Variants in RSU1 observed in about 807,000 individuals in gnomAD.
RSU1 encodes the protein rsu-1.
Under a neutral mutation model 31.1 loss-of-function variants are expected in RSU1, and 26 were observed. The observed-to-expected ratio is 0.84, with a 90% CI of 0.61 to 1.16. The LOEUF (loss-of-function observed/expected upper bound fraction) is 1.16. Ranked by LOEUF, RSU1 falls within the 50% of genes most tolerant of loss-of-function variation. RSU1 has a pLI of 0.00. For synonymous variants in RSU1, 164 were observed against 136.3 expected (o/e 1.20, Z -1.41); for missense variants, 320 against 339.1 (o/e 0.94, Z 0.44).
intron 2 of RSU1, among the ~76,000 whole-genome samples, chr10:16,806,711 G>A (rs553483424): frequency 6.7e-4 from 102 of 152,112 alleles, no homozygotes; most frequent in African/African-American, 2.4e-3. Context: ...AAATTACATA[G>A]GCATCTTTGA....
intron 8 of RSU1, among the ~76,000 whole-genome samples, chr10:16,606,546 G>A (rs1833808534): frequency 6.6e-6 from 1 of 152,222 alleles, no homozygotes. Flanking sequence ...TACATGGGCA[G>A]ATGAGGGTCG....
intron 5 of RSU1, among the ~76,000 whole-genome samples, chr10:16,753,773 G>C (rs554770263): frequency 6.6e-6 from 1 of 152,002 alleles, no homozygotes. Flanking sequence ...TTGTTTACCC[G>C]TATTTATTTT....
At chr10:16,756,608 G>C (rs1837091593) in intron 4 of RSU1, among the ~76,000 whole-genome samples, 1 of 152,204 alleles carries the variant, frequency 6.6e-6, no homozygotes, top group Non-Finnish European at 1.5e-5. Context: ...TTTATTGTAA[G>C]AATGCAGAAT....
chr10:16,784,979 T>C (rs764874503), intron 2 of RSU1, among the ~76,000 whole-genome samples: 9 of 152,180 alleles, frequency 5.9e-5, no homozygotes, highest in Non-Finnish European at 1.0e-4. Context: ...ATGAGAACTC[T>C]ATCACTATAC....
rs545773470 is a variant in RSU1 at position 16,744,893 on chromosome 10, C to A, written c.598+7646G>T. Among the ~76,000 whole-genome samples, 3 of 152,278 alleles carry A rather than the reference C, an allele frequency of 2.0e-5. No individual in the cohort carries two copies. In the East Asian group the frequency reaches 5.8e-4, roughly 29 times the overall value. ...CTCCCTCTTGCCCCTTCTTTTCCCT[C>A]GCTTTTCTCTTCTGACCCTTCCTAT... On this transcript the variant is annotated intron_variant, in intron 7 of 8. Transcript: ENST00000345264.
At chr10:16,606,717 T>C (rs1229973478) in intron 8 of RSU1, among the ~76,000 whole-genome samples, 1 of 152,246 alleles carries the variant, frequency 6.6e-6, no homozygotes, top group African/African-American at 2.4e-5. Context: ...CCTGTGGCTC[T>C]AGAGGTAGTG....
chr10:16,767,096 G>A (rs1564350226), intron 3 of RSU1: 1 of 151,076 alleles, frequency 6.6e-6, no homozygotes, highest in Non-Finnish European at 1.5e-5. Flanking sequence ...TCTCCCCCCA[G>A]ATCATAAAGT....
At chr10:16,656,370 T>C (rs1277247305) in intron 8 of RSU1, among the ~76,000 whole-genome samples, 4 of 152,226 alleles carry the variant, frequency 2.6e-5, no homozygotes, top group Non-Finnish European at 5.9e-5. Flanking sequence ...AATCATATTG[T>C]TGCATTGTTA....
chr10:16,658,717 C>T (rs1834833955), intron 8 of RSU1, among the ~76,000 whole-genome samples: 1 of 152,076 alleles, frequency 6.6e-6, no homozygotes, highest in Non-Finnish European at 1.5e-5. Context: ...GAGTGAGACC[C>T]CATCTCTAAA....
intron 8 of RSU1, among the ~76,000 whole-genome samples, chr10:16,665,323 A>G (rs118105269): frequency 6.6e-6 from 1 of 152,250 alleles, no homozygotes; most frequent in Non-Finnish European, 1.5e-5. Context: ...ATTATCATCT[A>G]ATTTTACAGA....
chr10:16,811,793 T>C (rs1363548348), intron 2 of RSU1, among the ~76,000 whole-genome samples: 1 of 152,220 alleles, frequency 6.6e-6, no homozygotes, highest in African/African-American at 2.4e-5. Flanking sequence ...ACATGCTCCT[T>C]CTCCAGAGCT....
chr10:16,754,880 A>C lies in RSU1; in HGVS notation c.391T>G (p.Phe131Val). 5 of 1,598,864 alleles carry C rather than the reference A, an allele frequency of 3.1e-6. No homozygotes were observed. The highest frequency in any genetic ancestry group is 4.3e-6 in the Non-Finnish European group (5 of 1,167,146). Residue 131 changes from phenylalanine (F) to valine (V), a missense_variant, in exon 5 of 9, where the codon TTC becomes GTC. Physicochemically the swap from Phe to Val is conservative, Grantham distance 50. Coordinates refer to ENST00000345264, the MANE Select transcript of RSU1 (RefSeq NM_012425.4). The stretch of plus-strand genomic sequence containing the variant: ...ATTGAAAGTTTCTTACTCAGGTAGA[A>C]GAAGTTTCCAGGAAGAGAATTTTCG... ...LSENSLPGNF[F>V]YLTTLRALYL...
At chr10:16,673,805 A>C (rs1049207027) in intron 8 of RSU1, among the ~76,000 whole-genome samples, 13 of 152,184 alleles carry the variant, frequency 8.5e-5, no homozygotes, top group African/African-American at 3.1e-4. Context: ...CTAGGTCCTT[A>C]GGTTCAGAGA....
Position 16,696,118 on chromosome 10 carries a change from G to C in RSU1, c.599-963C>G, listed in dbSNP as rs901820082. On this transcript the variant is annotated intron_variant, in intron 7 of 8. Transcript: ENST00000345264. ...GAGAAGTTAGGCAGCAGGGATATAT[G>C]TGAAGGTCTGTCCCTAAAAGTCCTA... 2.0e-5 allele frequency among the ~76,000 whole-genome samples: 3 copies of C among 152,250 alleles called. No homozygotes were observed. The South Asian group carries it at 6.2e-4, about 32-fold the overall frequency.
In RSU1 at chr10:16,697,397, C is replaced by T. The variant is rs573753255; in HGVS notation, c.599-2242G>A. ...CTTGGCCAGGAGTGGTGGCTGATGC[C>T]TATAATGCCAGCACTTTGGGAGGCC... On this transcript the variant is annotated intron_variant, in intron 7 of 8. Transcript: ENST00000345264. Among the ~76,000 whole-genome samples, 12 of 152,262 alleles carry T rather than the reference C, an allele frequency of 7.9e-5. No homozygotes were observed. In the South Asian group the frequency reaches 2.5e-3, roughly 32 times the overall value.
At chr10:16,611,738 C>T (rs749486095) in intron 8 of RSU1, among the ~76,000 whole-genome samples, 10 of 152,282 alleles carry the variant, frequency 6.6e-5, no homozygotes, top group African/African-American at 9.6e-5. Flanking sequence ...CAGCAAGCAA[C>T]GCTGGTATGA....
intron 7 of RSU1, among the ~76,000 whole-genome samples, chr10:16,719,068 T>C (rs959353515): frequency 1.3e-5 from 2 of 151,494 alleles, no homozygotes; most frequent in African/African-American, 4.8e-5. Context: ...GCAGGAGGAT[T>C]GCTTGAAGGC....
intron 7 of RSU1, among the ~76,000 whole-genome samples, chr10:16,734,499 T>C (rs1246577542): frequency 2.0e-5 from 3 of 152,194 alleles, no homozygotes; most frequent in African/African-American, 2.4e-5. Flanking sequence ...TGCGTGGATA[T>C]GGGGGCATCT....
chr10:16,717,629 C>T (rs1836169465), intron 7 of RSU1, among the ~76,000 whole-genome samples: 1 of 152,102 alleles, frequency 6.6e-6, no homozygotes, highest in African/African-American at 2.4e-5. Flanking sequence ...GCAAAAACAA[C>T]ATACCAAAGC....
Sources: allele counts gnomAD v4.1 joint callset (sites outside exome capture counted in the v4.1 genomes callset), GRCh38; gene constraint gnomAD v4.1.1; transcripts MANE v1.5; gene names NCBI Gene and HGNC (gene_info 2026-07-23, HGNC 2026-07-21).